Variants in ANOS1 observed in about 807,000 individuals in gnomAD.
ANOS1 encodes the protein anosmin 1.
ANOS1 carries 6 observed loss-of-function variants against 59.0 expected under a neutral mutation model. The ratio of observed to expected loss-of-function variants is 0.10; its 90% CI spans 0.06 to 0.20. The LOEUF is 0.20. Ranked by LOEUF, ANOS1 falls within the 10% of genes least tolerant of loss-of-function variation. The probability of loss-of-function intolerance (pLI) is 1.00; values close to 1 mark genes in which losing one functional copy is unlikely to be tolerated. For missense variants in ANOS1, 433 were observed against 542.3 expected (o/e 0.80, Z 2.00); for synonymous variants, 217 against 223.4 (o/e 0.97, Z 0.25).
rs1324219658 is a variant in ANOS1, at chrX:8,623,032, A to ATGGATGGG, written c.318+575_318+576insCCCATCCA. Reference sequence around the variant, plus strand: ...GGATAGCTGGATGGATGGATGGATGATGGATGGATGGATGGATGGATGGAT... The same window carrying ATGGATGGG: ...GGATAGCTGGATGGATGGATGGATGATGGATGGGTGGATGGATGGATGGATGGATGGAT... On this transcript the variant is annotated intron_variant, in intron 3 of 13. Coordinates refer to ENST00000262648, the MANE Select transcript of ANOS1 (RefSeq NM_000216.4). Among the ~76,000 whole-genome samples the ATGGATGGG allele has an allele frequency of 5.2e-5, 5 of 96,443 alleles. No individual in the cohort carries two copies. The East Asian group carries it at 1.5e-3, about 29-fold the overall frequency. 83.7% of individuals were successfully genotyped at this position (96,443 alleles called of 115,157 possible). A position where few individuals can be genotyped will look rare whatever the true frequency, so the allele number is the denominator to read the frequency against.
rs1232364586 is a variant in ANOS1 at position 8,610,033 on chromosome X, A to AAAC, written c.319-12780_319-12778dup. Among the ~76,000 whole-genome samples the AAAC allele has an allele frequency of 1.0e-3, 86 of 82,669 alleles. 6 individuals carry two copies. The highest frequency in any genetic ancestry group is 1.6e-3 in the African/African-American group (33 of 20,402). 71.8% of individuals were successfully genotyped at this position (82,669 alleles called of 115,157 possible). A position where few individuals can be genotyped will look rare whatever the true frequency, so the allele number is the denominator to read the frequency against. On this transcript the variant is annotated intron_variant, in intron 3 of 13. Transcript: ENST00000262648. The stretch of plus-strand genomic sequence containing the variant: ...AAAAAAAAAAAAAAAAAAAAAAAAA[A>AAAC]AACAACAACCTTTAAAGAGCACCCA...
intron 12 of ANOS1, 71 bp from the exon 13 acceptor site, chrX:8,534,531 C>T: frequency 1.8e-6 from 2 of 1,094,112 alleles, no homozygotes; most frequent in East Asian, 6.2e-5. Context: ...CACAGAGAGC[C>T]TAGAACAGTT....
chrX:8,660,572 C>T (rs1036177740), intron 2 of ANOS1, among the ~76,000 whole-genome samples: 4 of 110,473 alleles, frequency 3.6e-5, no homozygotes, highest in Non-Finnish European at 7.6e-5. Context: ...CCCAGGAGTT[C>T]GAGACCAGCC....
At chrX:8,552,315 C>T (rs1175620369) in intron 9 of ANOS1, among the ~76,000 whole-genome samples, 2 of 112,131 alleles carry the variant, frequency 1.8e-5, no homozygotes, top group Admixed American at 9.5e-5. Flanking sequence ...TTGACATACT[C>T]TACGGCCTAA....
Position 8,568,868 on chromosome X carries a change from C to A in ANOS1, c.1063-492G>T, listed in dbSNP as rs764528721. On this transcript the variant is annotated intron_variant, in intron 7 of 13. Transcript: ENST00000262648. ...ATAAAAATAAACTTCATAGAAAGGC[C>A]AAATGTATTTTGAAATACTGTTTCT... 9.6e-4 allele frequency among the ~76,000 whole-genome samples: 107 copies of A among 111,104 alleles called. 1 individual carries two copies. Among genetic ancestry groups the A allele is most frequent in the Admixed American group, 2.7e-3 (28 of 10,469 alleles).
intron 1 of ANOS1, among the ~76,000 whole-genome samples, chrX:8,721,152 T>C (rs1932872305): frequency 1.8e-5 from 2 of 111,591 alleles, no homozygotes; most frequent in East Asian, 5.6e-4. Context: ...AACCTTTCAA[T>C]TGTCCTCATC....
At chrX:8,706,699 A>G (rs1285605522) in intron 1 of ANOS1, among the ~76,000 whole-genome samples, 1 of 111,602 alleles carries the variant, frequency 9.0e-6, no homozygotes, top group Non-Finnish European at 1.9e-5. Context: ...TGTGAACCTA[A>G]AACTGCTCTA....
chrX:8,578,912 A>C (rs1369766737), intron 6 of ANOS1, among the ~76,000 whole-genome samples: 1 of 112,176 alleles, frequency 8.9e-6, no homozygotes, highest in Non-Finnish European at 1.9e-5. Flanking sequence ...TCCTTCTTTT[A>C]CTACCCATAT....
At chrX:8,545,176 C>T (rs1237353682) in intron 9 of ANOS1, among the ~76,000 whole-genome samples, 2 of 103,097 alleles carry the variant, frequency 1.9e-5, no homozygotes, top group East Asian at 6.0e-4. Flanking sequence ...TTGCTTGAGG[C>T]CAGGAGTTTG....
intron 1 of ANOS1, among the ~76,000 whole-genome samples, chrX:8,708,507 G>A (rs1932792703): frequency 8.9e-6 from 1 of 112,057 alleles, no homozygotes; most frequent in Non-Finnish European, 1.9e-5. Flanking sequence ...ACAAACATAT[G>A]AAAAAAGCTC....
chrX:8,635,475 G>GTAGTT, intron 2 of ANOS1, among the ~76,000 whole-genome samples: 1 of 111,630 alleles, frequency 9.0e-6, no homozygotes, highest in East Asian at 2.8e-4. Context: ...TAAAGGAGGG[G>GTAGTT]TAGGTGTCCT....
intron 2 of ANOS1, among the ~76,000 whole-genome samples, chrX:8,634,781 A>G (rs1382927422): frequency 8.9e-6 from 1 of 111,974 alleles, no homozygotes; most frequent in Non-Finnish European, 1.9e-5. Context: ...TTAAAAAGCT[A>G]TTATGGATAT....
At chrX:8,589,141 C>T (rs375127483) in intron 4 of ANOS1, among the ~76,000 whole-genome samples, 19 of 111,809 alleles carry the variant, frequency 1.7e-4, no homozygotes, top group Admixed American at 5.7e-4. Flanking sequence ...GTCTTGTTTA[C>T]GAAAATTTTA....
chrX:8,711,406 C>T (rs895477876), intron 1 of ANOS1, among the ~76,000 whole-genome samples: 28 of 113,001 alleles, frequency 2.5e-4, no homozygotes, highest in African/African-American at 7.4e-4. Flanking sequence ...AGTAAGCACA[C>T]CTTACTTAAA....
At chrX:8,544,547 A>C (rs1471439561) in intron 9 of ANOS1, among the ~76,000 whole-genome samples, 1 of 104,628 alleles carries the variant, frequency 9.6e-6, no homozygotes, top group Admixed American at 1.0e-4. Flanking sequence ...ATTTCTACTT[A>C]AAATAGAAGC....
At chrX:8,577,600 C>T (rs1930351843) in intron 6 of ANOS1, among the ~76,000 whole-genome samples, 2 of 112,197 alleles carry the variant, frequency 1.8e-5, no homozygotes, top group African/African-American at 6.5e-5. Flanking sequence ...CCAATTTCAG[C>T]CTTGGGGAAA....
intron 1 of ANOS1, among the ~76,000 whole-genome samples, chrX:8,705,411 T>C (rs187580258): frequency 2.1e-3 from 232 of 111,938 alleles, no homozygotes; most frequent in African/African-American, 6.4e-3. Context: ...CTGGGTTTCC[T>C]GTTTTTCTTA....
In ANOS1 at chrX:8,689,534, AAATAAT is replaced by A. The variant is rs375100466; in HGVS notation, c.255+10158_255+10163del. On this transcript the variant is annotated intron_variant, in intron 2 of 13. Transcript: ENST00000262648. ...CAACATAGTGAGATCTTGTCTCTACAAATAATAATAATAATAATAATAAATTACCCA... is the reference window on the plus strand; with the variant it reads ...CAACATAGTGAGATCTTGTCTCTACAAATAATAATAATAATAAATTACCCA... 2.0e-3 allele frequency among the ~76,000 whole-genome samples: 218 copies of A among 107,918 alleles called. 1 individual carries two copies. Among genetic ancestry groups the A allele is most frequent in the Non-Finnish European group, 9.0e-4 (47 of 52,097 alleles). 93.7% of individuals were successfully genotyped at this position (107,918 alleles called of 115,157 possible).
At chrX:8,672,571 T>C (rs1043551952) in intron 2 of ANOS1, among the ~76,000 whole-genome samples, 1 of 111,887 alleles carries the variant, frequency 8.9e-6, no homozygotes, top group Non-Finnish European at 1.9e-5. Context: ...GCTAACAAGC[T>C]CCACTGCATT....
Sources: allele counts gnomAD v4.1 joint callset (sites outside exome capture counted in the v4.1 genomes callset), GRCh38; gene constraint gnomAD v4.1.1; transcripts MANE v1.5; gene names NCBI Gene and HGNC (gene_info 2026-07-23, HGNC 2026-07-21).